JARID2: variants seen among roughly 807,000 people sequenced by gnomAD.
JARID2 encodes protein Jumonji.
A neutral mutation model predicts 125.6 loss-of-function variants in JARID2; 21 were observed. The ratio of observed to expected loss-of-function variants is 0.17; its 90% CI spans 0.12 to 0.24. JARID2 has a LOEUF of 0.24. JARID2 is among the 10% of genes least tolerant of loss of function. The pLI, the probability that JARID2 is intolerant of heterozygous loss-of-function variation, is 1.00. For synonymous variants in JARID2, 736 were observed against 661.6 expected (o/e 1.11, Z -1.73); for missense variants, 1,303 against 1,639.6 (o/e 0.79, Z 3.55).
chr6:15,288,814 A>T (rs1761097365), intron 1 of JARID2, among the ~76,000 whole-genome samples: 1 of 152,188 alleles, frequency 6.6e-6, no homozygotes, highest in Admixed American at 6.5e-5. Context: ...TGTAGGGCAT[A>T]ACTAGGCCCT....
rs140274542 is a variant in JARID2, at chr6:15,424,220, G to A, written c.323+13855G>A. ...CAGCCTCAAGTGATCCTCCTGCCTC[G>A]GCCTCCCAAATTTCTGGAATTACAG... On this transcript the variant is annotated intron_variant, in intron 3 of 17. Coordinates refer to ENST00000341776, the MANE Select transcript of JARID2 (RefSeq NM_004973.4). Among the ~76,000 whole-genome samples, 681 of 150,470 alleles carry A rather than the reference G, an allele frequency of 4.5e-3. 4 individuals are homozygous for A. Among genetic ancestry groups the A allele is most frequent in the African/African-American group, 0.016 (646 of 40,828 alleles).
At chr6:15,434,333 T>C (rs1244565155) in intron 3 of JARID2, among the ~76,000 whole-genome samples, 1 of 152,090 alleles carries the variant, frequency 6.6e-6, no homozygotes, top group Non-Finnish European at 1.5e-5. Context: ...TGTGGGGTTG[T>C]TTAGGGTGGT....
intron 4 of JARID2, among the ~76,000 whole-genome samples, chr6:15,466,734 C>T (rs529906247): frequency 6.6e-6 from 1 of 152,298 alleles, no homozygotes; most frequent in East Asian, 1.9e-4. Flanking sequence ...CCTTGTCAGT[C>T]TTGTACCAAT....
chr6:15,258,661 A>G (rs779252449), intron 1 of JARID2, among the ~76,000 whole-genome samples: 3 of 152,160 alleles, frequency 2.0e-5, no homozygotes, highest in Non-Finnish European at 4.4e-5. Context: ...AAGCGCCTGT[A>G]ATCCCAGCTA....
intron 7 of JARID2, among the ~76,000 whole-genome samples, chr6:15,497,915 C>A (rs918022135): frequency 2.6e-5 from 4 of 152,190 alleles, no homozygotes; most frequent in Admixed American, 6.5e-5. Context: ...TGTTTTCTCC[C>A]TGTGTCCTCA....
intron 16 of JARID2, among the ~76,000 whole-genome samples, chr6:15,514,392 G>A (rs1393215235): frequency 2.6e-5 from 4 of 152,238 alleles, no homozygotes; most frequent in African/African-American, 7.2e-5. Flanking sequence ...GCCTAGCTTA[G>A]GAGGTGCCCA....
At chr6:15,395,609 A>T (rs1416442955) in intron 2 of JARID2, among the ~76,000 whole-genome samples, 1 of 151,976 alleles carries the variant, frequency 6.6e-6, no homozygotes, top group African/African-American at 2.4e-5. Flanking sequence ...CGTGTTGGTC[A>T]GACTGGTCTC....
intron 5 of JARID2, among the ~76,000 whole-genome samples, chr6:15,469,446 C>T (rs955402622): frequency 3.0e-5 from 4 of 132,948 alleles, no homozygotes; most frequent in Non-Finnish European, 6.3e-5. Flanking sequence ...TCCTTTCTTT[C>T]TTTTGTGACG....
intron 3 of JARID2, among the ~76,000 whole-genome samples, chr6:15,430,055 G>A (rs906008466): frequency 6.6e-6 from 1 of 152,092 alleles, no homozygotes; most frequent in Admixed American, 6.5e-5. Flanking sequence ...AAGATTCTCT[G>A]GTTCTTCCCT....
chr6:15,494,447 C>G, intron 6 of JARID2, among the ~76,000 whole-genome samples: 1 of 90,854 alleles, frequency 1.1e-5, no homozygotes, highest in Non-Finnish European at 2.1e-5. Context: ...ACAAGAGTCT[C>G]GCCCAGGCTG....
At chr6:15,377,238 G>T (rs1377788043) in intron 2 of JARID2, among the ~76,000 whole-genome samples, 1 of 152,168 alleles carries the variant, frequency 6.6e-6, no homozygotes, top group African/African-American at 2.4e-5. Context: ...TCATGCCTGG[G>T]GAGGCCTCAG....
At chr6:15,294,453 A>T (rs1373142142) in intron 1 of JARID2, among the ~76,000 whole-genome samples, 1 of 152,296 alleles carries the variant, frequency 6.6e-6, no homozygotes, top group South Asian at 2.1e-4. Context: ...TGGCCTCCCA[A>T]AGTGCTGGGA....
At chr6:15,410,418 C>G (rs1765827689) in intron 3 of JARID2, 53 bp downstream of exon 3, 1 of 1,571,952 alleles carries the variant, frequency 6.4e-7, no homozygotes, top group African/African-American at 1.3e-5. Context: ...ACTGCAAACT[C>G]AGGTGCCAGT....
In JARID2 at chr6:15,445,732, GA is replaced by G. The variant is rs1433997425; in HGVS notation, c.324-6270del. 2.6e-5 allele frequency among the ~76,000 whole-genome samples: 4 copies of G among 152,242 alleles called. No individual in the cohort carries two copies. In the East Asian group the frequency reaches 7.7e-4, roughly 29 times the overall value. ...GAATACAATGAAATGCCAAGGGTTA[GA>G]AAAGCGCCTTGTGCCACAGGGTGAC... is the stretch of plus-strand genomic sequence containing the variant. On this transcript the variant is annotated intron_variant, in intron 3 of 17. Transcript: ENST00000341776.
chr6:15,337,579 C>T (rs1007263365), intron 1 of JARID2, among the ~76,000 whole-genome samples: 1 of 152,182 alleles, frequency 6.6e-6, no homozygotes, highest in Non-Finnish European at 1.5e-5. Context: ...GGAACCCCTG[C>T]CCGAGGAATT....
chr6:15,256,173 G>T (rs1759657165), intron 1 of JARID2, among the ~76,000 whole-genome samples: 1 of 152,230 alleles, frequency 6.6e-6, no homozygotes, highest in South Asian at 2.1e-4. Context: ...GGAGACATCA[G>T]GCCTGCCGGC....
intron 3 of JARID2, among the ~76,000 whole-genome samples, chr6:15,428,893 G>T (rs1421292583): frequency 7.0e-6 from 1 of 143,146 alleles, no homozygotes; most frequent in Non-Finnish European, 1.5e-5. Flanking sequence ...GGGACACAGC[G>T]AGACTCTGTC....
At chr6:15,515,347 A>G (rs1771496848) in intron 16 of JARID2, among the ~76,000 whole-genome samples, 1 of 152,010 alleles carries the variant, frequency 6.6e-6, no homozygotes, top group Non-Finnish European at 1.5e-5. Context: ...ATTCATTTCC[A>G]TGCACTGAGG....
chr6:15,323,797 C>A (rs777766722), intron 1 of JARID2, among the ~76,000 whole-genome samples: 2 of 151,810 alleles, frequency 1.3e-5, no homozygotes, highest in African/African-American at 4.8e-5. Context: ...CTGGAGGCCA[C>A]GTGAGAATCA....
Sources: allele counts gnomAD v4.1 joint callset (sites outside exome capture counted in the v4.1 genomes callset), GRCh38; gene constraint gnomAD v4.1.1; transcripts MANE v1.5; gene names NCBI Gene and HGNC (gene_info 2026-07-23, HGNC 2026-07-21).